ADAMTS6: variants seen among roughly 807,000 people sequenced by gnomAD.
ADAMTS6 encodes the protein A disintegrin and metalloproteinase with thrombospondin motifs 6.
ADAMTS6 carries 23 observed loss-of-function variants against 144.3 expected under a neutral mutation model. The ratio of observed to expected loss-of-function variants is 0.16; its 90% CI spans 0.11 to 0.23. ADAMTS6 has a LOEUF of 0.23. Ranked by LOEUF, ADAMTS6 falls within the 10% of genes least tolerant of loss-of-function variation. The pLI is 1.00. For synonymous variants in ADAMTS6, 444 were observed against 457.5 expected, an observed-to-expected ratio of 0.97 and a Z score of 0.38; for missense variants, 999 against 1,379.6, an observed-to-expected ratio of 0.72 and a Z score of 4.37.
At chr5:65,404,916 C>T (rs1029911957) in intron 7 of ADAMTS6, among the ~76,000 whole-genome samples, 39 of 152,124 alleles carry the variant, frequency 2.6e-4, no homozygotes, top group Non-Finnish European at 4.1e-4. Flanking sequence ...CATTTTTTCA[C>T]GTGTCTGTTG....
At chr5:65,348,412 G>A (rs1748546761) in intron 7 of ADAMTS6, among the ~76,000 whole-genome samples, 1 of 152,056 alleles carries the variant, frequency 6.6e-6, no homozygotes, top group South Asian at 2.1e-4. Flanking sequence ...GGCACAGAGG[G>A]ACAAATACTG....
intron 9 of ADAMTS6, among the ~76,000 whole-genome samples, chr5:65,304,308 C>T (rs1743726976): frequency 6.6e-6 from 1 of 152,162 alleles, no homozygotes; most frequent in South Asian, 2.1e-4. Flanking sequence ...CAAAAGATCC[C>T]TGTAATAGGA....
Position 65,382,833 on chromosome 5 carries a change from G to C in ADAMTS6, c.1074-48748C>G, listed in dbSNP as rs116699997. Among the ~76,000 whole-genome samples, 12 of 152,252 alleles carry C rather than the reference G, an allele frequency of 7.9e-5. No individual in the cohort carries two copies. In the East Asian group the frequency reaches 2.3e-3, roughly 29 times the overall value. On this transcript the variant is annotated intron_variant, in intron 7 of 24. Transcript: ENST00000381055. The stretch of plus-strand genomic sequence containing the variant: ...TTATGTATCTTAGTCCATTCAGTCT[G>C]CTATAACAAAATACCTTAAACAGGG...
chr5:65,373,155 G>A (rs2150123363), intron 7 of ADAMTS6, among the ~76,000 whole-genome samples: 1 of 150,410 alleles, frequency 6.6e-6, no homozygotes, highest in African/African-American at 2.4e-5. Flanking sequence ...AGAGAAAGCA[G>A]GAAAGATCCA....
chr5:65,443,854 C>A (rs754860493), intron 7 of ADAMTS6, among the ~76,000 whole-genome samples: 1 of 151,334 alleles, frequency 6.6e-6, no homozygotes, highest in African/African-American at 2.4e-5. Context: ...ACAAAGAAAC[C>A]TATAGCTAAC....
At chr5:65,241,420 G>A (rs1285710891) in intron 15 of ADAMTS6, among the ~76,000 whole-genome samples, 7 of 151,708 alleles carry the variant, frequency 4.6e-5, no homozygotes, top group Admixed American at 3.3e-4. Flanking sequence ...TAGTAGAGAC[G>A]GTGTTTTGCC....
chr5:65,237,808 T>C (rs1758801501), intron 15 of ADAMTS6, among the ~76,000 whole-genome samples: 2 of 152,150 alleles, frequency 1.3e-5, no homozygotes, highest in Admixed American at 1.3e-4. Context: ...GGTTTGAGGT[T>C]GGGCCTGTTG....
At chr5:65,398,134 C>G (rs1753511288) in intron 7 of ADAMTS6, among the ~76,000 whole-genome samples, 1 of 152,158 alleles carries the variant, frequency 6.6e-6, no homozygotes, top group African/African-American at 2.4e-5. Context: ...AGATATCAAT[C>G]ATATCCAGCT....
chr5:65,158,981 G>A (rs1157382862), intron 24 of ADAMTS6, among the ~76,000 whole-genome samples: 1 of 151,900 alleles, frequency 6.6e-6, no homozygotes, highest in African/African-American at 2.4e-5. Flanking sequence ...AAGCTTCAGA[G>A]GACTAATGTG....
chr5:65,239,356 A>C (rs547429352), intron 15 of ADAMTS6, among the ~76,000 whole-genome samples: 2 of 152,320 alleles, frequency 1.3e-5, no homozygotes, highest in East Asian at 3.9e-4. Flanking sequence ...CAACAAAACA[A>C]AACAGAAAAT....
chr5:65,340,781 A>T (rs1747746418), intron 7 of ADAMTS6, among the ~76,000 whole-genome samples: 1 of 152,094 alleles, frequency 6.6e-6, no homozygotes, highest in South Asian at 2.1e-4. Flanking sequence ...AAAAGAGAGC[A>T]GGTATACCTC....
intron 4 of ADAMTS6, among the ~76,000 whole-genome samples, chr5:65,458,789 G>C (rs1209762374): frequency 6.6e-6 from 1 of 152,080 alleles, no homozygotes; most frequent in Non-Finnish European, 1.5e-5. Flanking sequence ...GAAACATTCT[G>C]CCCCTGGTTC....
chr5:65,409,933 T>C (rs1168761763), intron 7 of ADAMTS6, among the ~76,000 whole-genome samples: 2 of 152,114 alleles, frequency 1.3e-5, no homozygotes, highest in Admixed American at 1.3e-4. Flanking sequence ...CTTAGTTTTT[T>C]ATCATATGCA....
chr5:65,409,975 T>TA (rs1412842536), intron 7 of ADAMTS6, among the ~76,000 whole-genome samples: 3 of 152,220 alleles, frequency 2.0e-5, no homozygotes, highest in Non-Finnish European at 2.9e-5. Context: ...TGACCGCTAT[T>TA]AAAATCACAT....
intron 4 of ADAMTS6, among the ~76,000 whole-genome samples, chr5:65,458,325 ACACTTAG>A (rs1244530499): frequency 6.6e-6 from 1 of 152,216 alleles, no homozygotes; most frequent in Non-Finnish European, 1.5e-5. Flanking sequence ...AGAAGACTTA[ACACTTAG>A]GAAGAAAACA....
intron 11 of ADAMTS6, among the ~76,000 whole-genome samples, chr5:65,280,503 T>C (rs930612596): frequency 3.4e-4 from 51 of 152,184 alleles, no homozygotes; most frequent in Non-Finnish European, 4.9e-4. Context: ...TAAGAGTCTT[T>C]AATGCTATAG....
intron 9 of ADAMTS6, among the ~76,000 whole-genome samples, chr5:65,301,571 C>T (rs1743376772): frequency 6.6e-6 from 1 of 152,146 alleles, no homozygotes; most frequent in South Asian, 2.1e-4. Flanking sequence ...ATTGATCTGT[C>T]TATTAGACAA....
intron 7 of ADAMTS6, among the ~76,000 whole-genome samples, chr5:65,370,198 T>C (rs1750722661): frequency 6.6e-6 from 1 of 152,134 alleles, no homozygotes. Flanking sequence ...TCATGAGATC[T>C]GGAGTTCGAG....
At chr5:65,392,212 G>A (rs932670833) in intron 7 of ADAMTS6, among the ~76,000 whole-genome samples, 11 of 151,760 alleles carry the variant, frequency 7.2e-5, no homozygotes, top group Admixed American at 5.9e-4. Flanking sequence ...TTATCACCTG[G>A]TCAAGATGTT....
Sources: allele counts gnomAD v4.1 joint callset (sites outside exome capture counted in the v4.1 genomes callset), GRCh38; gene constraint gnomAD v4.1.1; transcripts MANE v1.5; gene names NCBI Gene and HGNC (gene_info 2026-07-23, HGNC 2026-07-21).